The following CACNA1C variants were observed in gnomAD, a reference collection of about 807,000 sequenced individuals.
CACNA1C encodes voltage-dependent L-type calcium channel subunit alpha-1C.
In CACNA1C, 30 loss-of-function variants were observed where a neutral mutation model predicts 229.0. The ratio of observed to expected loss-of-function variants is 0.13; its 90% CI spans 0.10 to 0.18. The LOEUF is 0.18. Ranked by LOEUF, CACNA1C falls within the 10% of genes least tolerant of loss-of-function variation. The pLI is 1.00. For missense variants in CACNA1C, 1,658 were observed against 2,845.0 expected (o/e 0.58, Z 9.49); for synonymous variants, 1,114 against 1,132.5 (o/e 0.98, Z 0.33).
intron 3 of CACNA1C, among the ~76,000 whole-genome samples, chr12:2,429,108 A>G (rs1258954707): frequency 1.3e-5 from 2 of 151,720 alleles, no homozygotes; most frequent in Non-Finnish European, 2.9e-5. Flanking sequence ...TTGTAGATGC[A>G]TTAATCACTC....
chr12:2,282,245 G>A (rs1413899923), intron 3 of CACNA1C, among the ~76,000 whole-genome samples: 1 of 152,162 alleles, frequency 6.6e-6, no homozygotes, highest in Non-Finnish European at 1.5e-5. Flanking sequence ...GACTTCGCAG[G>A]ACTTGACATT....
intron 3 of CACNA1C, among the ~76,000 whole-genome samples, chr12:2,318,071 G>A (rs1347516237): frequency 2.0e-5 from 3 of 152,224 alleles, no homozygotes; most frequent in Non-Finnish European, 2.9e-5. Flanking sequence ...AGGGTGGTGG[G>A]TAGGAGTGGT....
chr12:2,290,643 A>G (rs1181731271), intron 3 of CACNA1C, among the ~76,000 whole-genome samples: 1 of 152,104 alleles, frequency 6.6e-6, no homozygotes, highest in Non-Finnish European at 1.5e-5. Flanking sequence ...TGAGCCGAGG[A>G]GCTTGTACCT....
chr12:2,582,141 T>TA (rs71441686), intron 14 of CACNA1C, among the ~76,000 whole-genome samples: 2,909 of 134,222 alleles, frequency 0.022, 54 homozygotes, highest in Admixed American at 0.057. Flanking sequence ...CCGTCTCAAA[T>TA]AAAAAAAAAA....
At chr12:2,212,525 C>T (rs993127687) in intron 3 of CACNA1C, among the ~76,000 whole-genome samples, 3 of 152,198 alleles carry the variant, frequency 2.0e-5, no homozygotes, top group African/African-American at 7.2e-5. Context: ...TACTTGCTAA[C>T]TTATTTTTTG....
intron 8 of CACNA1C, among the ~76,000 whole-genome samples, chr12:2,506,523 A>G (rs977728437): frequency 6.6e-5 from 10 of 152,252 alleles, no homozygotes; most frequent in Admixed American, 1.3e-4. Flanking sequence ...ACACAGTGGT[A>G]TATAATAAGT....
At chr12:2,355,757 C>A (rs1379894123) in intron 3 of CACNA1C, among the ~76,000 whole-genome samples, 2 of 152,188 alleles carry the variant, frequency 1.3e-5, no homozygotes, top group Non-Finnish European at 2.9e-5. Flanking sequence ...TTGGTTTTCA[C>A]AACTGAAAGG....
chr12:2,251,772 C>T (rs778191301), intron 3 of CACNA1C, among the ~76,000 whole-genome samples: 26 of 152,298 alleles, frequency 1.7e-4, no homozygotes, highest in African/African-American at 5.1e-4. Flanking sequence ...TTCCATGAAG[C>T]GAAAATGTTT....
At chr12:2,323,621 A>T (rs770614592) in intron 3 of CACNA1C, among the ~76,000 whole-genome samples, 2 of 152,166 alleles carry the variant, frequency 1.3e-5, no homozygotes, top group Non-Finnish European at 2.9e-5. Flanking sequence ...TGCGACCCTC[A>T]AAAAACCAGA....
intron 3 of CACNA1C, among the ~76,000 whole-genome samples, chr12:2,279,881 A>G (rs1021143610): frequency 2.6e-5 from 4 of 152,252 alleles, no homozygotes; most frequent in African/African-American, 9.6e-5. Flanking sequence ...ACCATTTTAT[A>G]TAAGGGACAT....
At chr12:2,452,272 TTGG>T (rs1373775341) in intron 4 of CACNA1C, among the ~76,000 whole-genome samples, 2 of 152,136 alleles carry the variant, frequency 1.3e-5, no homozygotes, top group Non-Finnish European at 2.9e-5. Flanking sequence ...CAGAGGCCTC[TTGG>T]TGGTGGGATT....
At chr12:2,106,479 A>T (rs71454862) in intron 1 of CACNA1C, among the ~76,000 whole-genome samples, 19 of 59,264 alleles carry the variant, frequency 3.2e-4, no homozygotes, top group South Asian at 6.5e-4. Flanking sequence ...AGCCACTGGG[A>T]GCCCACCCCG....
In CACNA1C at chr12:2,677,066, C is replaced by A. The variant is rs1465564963; in HGVS notation, c.4829-28C>A. ...ACTGAATTCCCCTGCTCCCCTCTTA[C>A]CCCCTCTCCCCTCTCCATACGTCTC... On this transcript the variant is annotated intron_variant, in intron 39 of 46. Coordinates refer to ENST00000399655, the MANE Select transcript of CACNA1C (RefSeq NM_000719.7). This position sits in a 1 kb window ranked among gnomAD's most constrained non-coding sequence, Gnocchi z 7.4. 1.9e-6 allele frequency: 3 copies of A among 1,599,378 alleles called. No homozygotes were observed. The highest frequency in any genetic ancestry group is 1.3e-5 in the African/African-American group (1 of 74,556).
chr12:2,690,921 G>A lies in CACNA1C; in HGVS notation c.6139G>A (p.Gly2047Arg). 6.3e-7 allele frequency: 1 copy of A among 1,586,826 alleles called. No individual in the cohort carries two copies. Among genetic ancestry groups the A allele is most frequent in the African/African-American group, 1.3e-5 (1 of 74,340 alleles). ...VEAVLISEGL[G>R]QFAQDPKFIE... ...TCAGGTCTTGATTTCAGAAGGACTG[G>A]GGCAGTTTGCTCAAGATCCCAAGTT... The change falls in exon 47 of 47, where the codon GGG (glycine) becomes AGG (arginine). Residue 2047 changes from glycine (G) to arginine (R), a missense_variant. By Grantham distance (125) the Gly-to-Arg change is moderately radical (BLOSUM62 -2). Transcript: ENST00000399655.
rs1368108477 is a variant in CACNA1C, at chr12:2,135,338, T to C, written c.477+14908T>C. ...AGTCATTCTCCATCCAGCTTTGTTCTGTTGCTGGTGAGGAGCTGCGTTCCT... is the reference window on the plus strand; with the variant it reads ...AGTCATTCTCCATCCAGCTTTGTTCCGTTGCTGGTGAGGAGCTGCGTTCCT... On this transcript the variant is annotated intron_variant, in intron 3 of 46. Transcript: ENST00000399655. 3.7e-3 allele frequency among the ~76,000 whole-genome samples: 546 copies of C among 146,706 alleles called. 14 individuals are homozygous for C. The highest frequency in any genetic ancestry group is 8.3e-3 in the East Asian group (42 of 5,032).
chr12:2,567,922 A>C lies in CACNA1C; in HGVS notation c.1895+128A>C, dbSNP rs1212122962. 6.6e-6 allele frequency: 4 copies of C among 603,162 alleles called. No homozygotes were observed. In the African/African-American group the frequency reaches 7.4e-5, roughly 11 times the overall value. 37.4% of individuals were successfully genotyped at this position (603,162 alleles called of 1,614,324 possible). A position where few individuals can be genotyped will look rare whatever the true frequency, so the allele number is the denominator to read the frequency against. ...CTCAAAGGGTGTCTCTGAAGTTCAC[A>C]TGCAATGGGGGTAGTTTGTGTTCAT... On this transcript the variant is annotated intron_variant, in intron 13 of 46. Transcript: ENST00000399655.
rs1055993121 is a variant in CACNA1C at position 2,678,626 on chromosome 12, A to C, written c.5091+759A>C. 6.6e-6 allele frequency among the ~76,000 whole-genome samples: 1 copy of C among 152,156 alleles called. No individual in the cohort carries two copies. Among genetic ancestry groups the C allele is most frequent in the Non-Finnish European group, 1.5e-5 (1 of 68,030 alleles). On this transcript the variant is annotated intron_variant, in intron 41 of 46. Transcript: ENST00000399655. The surrounding 1 kb of genome is among the most constrained non-coding windows in gnomAD (Gnocchi z 4.1). ...GCCCAGTTCCCAGGCTGTGGAACAC[A>C]CAGGGGGCAAGCTGAGCCCATCCTG...
At chr12:2,159,696 C>G (rs1016702341) in intron 3 of CACNA1C, among the ~76,000 whole-genome samples, 3 of 151,680 alleles carry the variant, frequency 2.0e-5, no homozygotes, top group African/African-American at 7.3e-5. Context: ...CCTTCACCTC[C>G]CGGGTTCAAG....
chr12:2,221,434 A>G (rs1599608443), intron 3 of CACNA1C, among the ~76,000 whole-genome samples: 2 of 152,156 alleles, frequency 1.3e-5, no homozygotes, highest in African/African-American at 2.4e-5. Context: ...GGCCAGTGGG[A>G]TGAATGCAAG....
Sources: allele counts gnomAD v4.1 joint callset (sites outside exome capture counted in the v4.1 genomes callset), GRCh38; gene constraint gnomAD v4.1.1; non-coding constraint Gnocchi (gnomAD v3.1); transcripts MANE v1.5; gene names NCBI Gene and HGNC (gene_info 2026-07-23, HGNC 2026-07-21).